The following CCSER1 variants were observed in gnomAD, a reference collection of about 807,000 sequenced individuals.
The protein encoded by CCSER1 is serine-rich coiled-coil domain-containing protein 1.
In CCSER1, 41 loss-of-function variants were observed where a neutral mutation model predicts 82.0. The ratio of observed to expected loss-of-function variants is 0.50; its 90% CI spans 0.39 to 0.65. CCSER1 has a LOEUF of 0.65. CCSER1 is among the 30% of genes least tolerant of loss of function. The pLI, the probability that CCSER1 is intolerant of heterozygous loss-of-function variation, is 0.00. For synonymous variants in CCSER1, 414 were observed against 383.9 expected, an observed-to-expected ratio of 1.08 and a Z score of -0.92; for missense variants, 1,119 against 1,064.2, an observed-to-expected ratio of 1.05 and a Z score of -0.72.
At chr4:90,992,354 A>G (rs62309791) in intron 9 of CCSER1, among the ~76,000 whole-genome samples, 41,644 of 152,000 alleles carry the variant, frequency 0.27, 6,895 homozygotes, top group East Asian at 0.39. Context: ...AAAAATATTT[A>G]AAATTAAATT....
intron 6 of CCSER1, among the ~76,000 whole-genome samples, chr4:90,634,670 A>C (rs988714947): frequency 1.3e-4 from 20 of 151,850 alleles, no homozygotes; most frequent in African/African-American, 4.3e-4. Context: ...AGCAATGGAT[A>C]ATTAGAGAAG....
intron 3 of CCSER1, among the ~76,000 whole-genome samples, chr4:90,357,917 T>C (rs1378470920): frequency 6.6e-6 from 1 of 151,962 alleles, no homozygotes; most frequent in South Asian, 2.1e-4. Context: ...CAAAATATTA[T>C]AGTCAGAAAG....
intron 1 of CCSER1, among the ~76,000 whole-genome samples, chr4:90,271,838 ATATATATATATATATATATATATATTTT>A (rs1726359975): frequency 5.4e-5 from 1 of 18,410 alleles, no homozygotes; most frequent in Admixed American, 4.9e-4. Flanking sequence ...ATATATATAT[ATATATATATATATATATATATATATTTT>A]TTTTTTTTTT....
At chr4:91,452,764 T>C (rs960229967) in intron 10 of CCSER1, among the ~76,000 whole-genome samples, 13 of 152,052 alleles carry the variant, frequency 8.5e-5, no homozygotes, top group Non-Finnish European at 1.9e-4. Flanking sequence ...ACTTTGTTCT[T>C]GACAAGCACT....
chr4:90,567,307 A>T (rs1038121020), intron 5 of CCSER1, among the ~76,000 whole-genome samples: 6 of 138,706 alleles, frequency 4.3e-5, no homozygotes, highest in South Asian at 2.3e-4. Flanking sequence ...TTGTCTCTGG[A>T]TTTTTTTTTT....
chr4:91,400,637 T>C (rs990427801), intron 10 of CCSER1, among the ~76,000 whole-genome samples: 1 of 151,076 alleles, frequency 6.6e-6, no homozygotes, highest in Non-Finnish European at 1.5e-5. Context: ...CTATTTGTAG[T>C]GTTTTTATGT....
intron 6 of CCSER1, among the ~76,000 whole-genome samples, chr4:90,721,645 TG>T (rs1413653808): frequency 2.0e-5 from 3 of 151,810 alleles, no homozygotes; most frequent in African/African-American, 7.2e-5. Flanking sequence ...GTATTGCTAT[TG>T]TTGAATGAAA....
intron 3 of CCSER1, among the ~76,000 whole-genome samples, chr4:90,314,549 G>A (rs1431328244): frequency 6.6e-6 from 1 of 151,776 alleles, no homozygotes; most frequent in Non-Finnish European, 1.5e-5. Context: ...AATAATTCTA[G>A]TTTGAGACAA....
chr4:91,494,349 T>G (rs1477724840), intron 10 of CCSER1, among the ~76,000 whole-genome samples: 1 of 151,796 alleles, frequency 6.6e-6, no homozygotes, highest in Non-Finnish European at 1.5e-5. Flanking sequence ...TATCTCTCCA[T>G]GCGATTTCTG....
At chr4:91,292,568 A>G (rs1363320297) in intron 10 of CCSER1, among the ~76,000 whole-genome samples, 3 of 151,984 alleles carry the variant, frequency 2.0e-5, no homozygotes, top group African/African-American at 7.2e-5. Flanking sequence ...GGAAATAAAT[A>G]TAGATAATTT....
At chr4:90,613,280 G>A (rs1720592382) in intron 5 of CCSER1, among the ~76,000 whole-genome samples, 1 of 152,192 alleles carries the variant, frequency 6.6e-6, no homozygotes, top group Admixed American at 6.5e-5. Context: ...GAATCTTAGA[G>A]AACTGAGATA....
chr4:90,130,869 G>A (rs950957960), intron 1 of CCSER1, among the ~76,000 whole-genome samples: 1 of 151,572 alleles, frequency 6.6e-6, no homozygotes, highest in African/African-American at 2.4e-5. Flanking sequence ...TGATCAACCC[G>A]CCTCGGCCTC....
At chr4:90,382,794 CAA>C (rs1237335154) in intron 3 of CCSER1, among the ~76,000 whole-genome samples, 3 of 151,936 alleles carry the variant, frequency 2.0e-5, no homozygotes, top group Non-Finnish European at 2.9e-5. Context: ...GAATGAAATA[CAA>C]AGTTATTTTA....
chr4:91,597,969 C>T (rs939133413), intron 10 of CCSER1, among the ~76,000 whole-genome samples: 3 of 152,118 alleles, frequency 2.0e-5, no homozygotes, highest in African/African-American at 7.2e-5. Flanking sequence ...ACTTGTGGAC[C>T]TGATTTTGAT....
intron 6 of CCSER1, among the ~76,000 whole-genome samples, chr4:90,643,580 TACTTCAA>T (rs1324837025): frequency 4.6e-5 from 7 of 152,202 alleles, no homozygotes; most frequent in African/African-American, 1.7e-4. Flanking sequence ...TGTGTTAATA[TACTTCAA>T]ATGCATGGAA....
intron 10 of CCSER1, among the ~76,000 whole-genome samples, chr4:91,515,863 CT>C (rs60522453): frequency 0.054 from 7,314 of 134,926 alleles, 297 homozygotes; most frequent in African/African-American, 0.14. Flanking sequence ...GCCAGCATCT[CT>C]TTTTTTTTTT....
intron 10 of CCSER1, among the ~76,000 whole-genome samples, chr4:91,163,660 G>C (rs943234909): frequency 6.6e-6 from 1 of 152,148 alleles, no homozygotes; most frequent in Non-Finnish European, 1.5e-5. Flanking sequence ...TCTTCTCGTT[G>C]AATTGATTCC....
chr4:91,295,445 C>A (rs1426076940), intron 10 of CCSER1, among the ~76,000 whole-genome samples: 1 of 151,550 alleles, frequency 6.6e-6, no homozygotes, highest in African/African-American at 2.4e-5. Context: ...ATTTTGAGTA[C>A]AAAATTTATT....
intron 9 of CCSER1, among the ~76,000 whole-genome samples, chr4:90,952,951 C>G (rs890432894): frequency 1.3e-5 from 2 of 151,948 alleles, no homozygotes; most frequent in African/African-American, 4.8e-5. Context: ...AATTTAAAGA[C>G]CATAGAAAAA....
Sources: allele counts gnomAD v4.1 joint callset (sites outside exome capture counted in the v4.1 genomes callset), GRCh38; gene constraint gnomAD v4.1.1; transcripts MANE v1.5; gene names NCBI Gene and HGNC (gene_info 2026-07-23, HGNC 2026-07-21).